The following CCNY variants were observed in gnomAD, a reference collection of about 807,000 sequenced individuals.
The protein encoded by CCNY is cyclin Y.
A neutral mutation model predicts 42.8 loss-of-function variants in CCNY; 19 were observed. That is an observed-to-expected ratio of 0.44 (90% confidence interval 0.31 to 0.65). The LOEUF is 0.65. Ranked by LOEUF, CCNY falls within the 30% of genes least tolerant of loss-of-function variation. The pLI, the probability that CCNY is intolerant of heterozygous loss-of-function variation, is 0.07. For missense variants in CCNY, 370 were observed against 437.3 expected (o/e 0.85, Z 1.37); for synonymous variants, 165 against 162.7 (o/e 1.01, Z -0.11).
chr10:35,528,430 G>A (rs751797270), intron 5 of CCNY, among the ~76,000 whole-genome samples: 13 of 152,310 alleles, frequency 8.5e-5, no homozygotes, highest in East Asian at 1.9e-4. Flanking sequence ...GTGGCTGAGC[G>A]CAGTGGCTTA....
intron 3 of CCNY, among the ~76,000 whole-genome samples, chr10:35,503,404 A>G (rs951604408): frequency 2.0e-5 from 3 of 152,190 alleles, no homozygotes; most frequent in Non-Finnish European, 4.4e-5. Flanking sequence ...GTGACCCTCT[A>G]AACTGTGAAC....
At chr10:35,476,823 T>G (rs1428334797) in intron 1 of CCNY, among the ~76,000 whole-genome samples, 20 of 151,804 alleles carry the variant, frequency 1.3e-4, no homozygotes, top group Admixed American at 1.3e-3. Flanking sequence ...CAAAAAACCC[T>G]TCAAAAAAAT....
rs139383860 is a variant in CCNY, at chr10:35,368,102, T to C, written c.154+30895T>C. Among the ~76,000 whole-genome samples, 1,074 of 152,372 alleles carry C rather than the reference T, an allele frequency of 7.0e-3. 11 individuals are homozygous for C. Among genetic ancestry groups the C allele is most frequent in the African/African-American group, 0.025 (1,025 of 41,586 alleles). On this transcript the variant is annotated intron_variant, in intron 1 of 9. Coordinates refer to ENST00000374704, the MANE Select transcript of CCNY (RefSeq NM_145012.6). ...TACAATTGAGGCTGTGGAGTCTTTC[T>C]GCCTGGAGGTTGTTAGAACAACGAG...
intron 7 of CCNY, among the ~76,000 whole-genome samples, chr10:35,547,412 A>T (rs1024954309): frequency 6.6e-6 from 1 of 152,102 alleles, no homozygotes; most frequent in African/African-American, 2.4e-5. Context: ...TTTCCAGTGC[A>T]GTTACAATGC....
At chr10:35,565,722 G>T (rs374566523) in intron 8 of CCNY, among the ~76,000 whole-genome samples, 36 of 152,318 alleles carry the variant, frequency 2.4e-4, no homozygotes, top group African/African-American at 8.2e-4. Flanking sequence ...TTAGCAGCCT[G>T]TCCTCACGGA....
intron 8 of CCNY, among the ~76,000 whole-genome samples, chr10:35,558,849 G>A (rs1436962766): frequency 6.6e-6 from 1 of 152,236 alleles, no homozygotes; most frequent in Non-Finnish European, 1.5e-5. Context: ...CACCCAGTCT[G>A]TGGGACTTTG....
intron 3 of CCNY, among the ~76,000 whole-genome samples, chr10:35,320,563 C>T (rs1835809097): frequency 6.6e-6 from 1 of 152,092 alleles, no homozygotes; most frequent in Admixed American, 6.6e-5. Context: ...GAAAATAAGG[C>T]AAGGATGTCC....
At chr10:35,501,312 C>T (rs1427990370) in intron 2 of CCNY, among the ~76,000 whole-genome samples, 189 bp from the exon 3 acceptor site, 1 of 152,088 alleles carries the variant, frequency 6.6e-6, no homozygotes, top group African/African-American at 2.4e-5. Context: ...GTATATTTCC[C>T]TCTGTGAGCC....
At chr10:35,375,570 C>G (rs527375776) in intron 1 of CCNY, among the ~76,000 whole-genome samples, 6 of 152,176 alleles carry the variant, frequency 3.9e-5, no homozygotes, top group Non-Finnish European at 7.3e-5. Flanking sequence ...ATTGAGTCAT[C>G]TTGTTTGAAT....
At chr10:35,296,734 C>T (rs1175737877) in intron 3 of CCNY, among the ~76,000 whole-genome samples, 3 of 152,048 alleles carry the variant, frequency 2.0e-5, no homozygotes, top group African/African-American at 2.4e-5. Context: ...GGACACATAC[C>T]ACCTCCCAAG....
At chr10:35,447,392 C>G (rs1030754286) in intron 1 of CCNY, among the ~76,000 whole-genome samples, 1 of 152,154 alleles carries the variant, frequency 6.6e-6, no homozygotes, top group Non-Finnish European at 1.5e-5. Context: ...CTAGCGATAA[C>G]GTGGTAAGCC....
At chr10:35,552,806 C>T (rs1841287014) in intron 7 of CCNY, among the ~76,000 whole-genome samples, 4 of 152,180 alleles carry the variant, frequency 2.6e-5, no homozygotes, top group Non-Finnish European at 5.9e-5. Flanking sequence ...GTTTAAGATC[C>T]AGCTGCACCC....
At chr10:35,272,459 C>T (rs1445973187) in intron 3 of CCNY, among the ~76,000 whole-genome samples, 1 of 152,226 alleles carries the variant, frequency 6.6e-6, no homozygotes, top group Non-Finnish European at 1.5e-5. Context: ...CTTCACCTCA[C>T]ACCCTTTGTG....
At chr10:35,505,580 C>CT (rs1315290971) in intron 3 of CCNY, among the ~76,000 whole-genome samples, 1 of 152,170 alleles carries the variant, frequency 6.6e-6, no homozygotes, top group African/African-American at 2.4e-5. Context: ...CTGCCACCTG[C>CT]TAATTGGGCA....
At chr10:35,493,484 G>A (rs1403652416) in intron 2 of CCNY, among the ~76,000 whole-genome samples, 1 of 152,222 alleles carries the variant, frequency 6.6e-6, no homozygotes. Flanking sequence ...AGCTTACCAT[G>A]TTTATAGCTT....
chr10:35,362,743 TG>T lies in CCNY; in HGVS notation c.154+25537del, dbSNP rs376659308. Reference sequence around the variant, plus strand: ...GCGCTCCTCACTTCCCAGACGGGGCTGCGGCCAGGCAGAGGCGCTCATCACA... The same window carrying T: ...GCGCTCCTCACTTCCCAGACGGGGCTCGGCCAGGCAGAGGCGCTCATCACA... On this transcript the variant is annotated intron_variant, in intron 1 of 9. Transcript: ENST00000374704. Among the ~76,000 whole-genome samples the T allele has an allele frequency of 2.5e-3, 342 of 137,886 alleles. 1 individual carries two copies. The highest frequency in any genetic ancestry group is 8.7e-3 in the African/African-American group (322 of 36,830). 90.5% of individuals were successfully genotyped at this position (137,886 alleles called of 152,430 possible). A position where few individuals can be genotyped will look rare whatever the true frequency, so the allele number is the denominator to read the frequency against.
chr10:35,278,015 G>C (rs553359067), intron 3 of CCNY, among the ~76,000 whole-genome samples: 57 of 152,258 alleles, frequency 3.7e-4, no homozygotes, highest in Admixed American at 2.7e-3. Context: ...AGTTTAGGAA[G>C]GGTGAGCCTG....
At chr10:35,545,940 TG>T (rs1346957532) in intron 7 of CCNY, among the ~76,000 whole-genome samples, 1 of 152,216 alleles carries the variant, frequency 6.6e-6, no homozygotes, top group Non-Finnish European at 1.5e-5. Context: ...AAATTATTTT[TG>T]TTGGCCATAA....
rs779207861 is a variant in CCNY at position 35,530,051 on chromosome 10, CATGAGATGATTTA to C, written c.459+24_459+36del. The C allele has an allele frequency of 6.2e-7, 1 of 1,613,894 alleles. No individual in the cohort carries two copies. Among genetic ancestry groups the C allele is most frequent in the African/African-American group, 1.3e-5 (1 of 74,922 alleles). ...TTTCGGTAATCTCCTCCGTGTGTTT[CATGAGATGATTTA>C]ATTATTTCTCTTTTGCTCCAATCGG... On this transcript the variant is annotated intron_variant, in intron 6 of 9. Coordinates refer to ENST00000374704, the MANE Select transcript of CCNY (RefSeq NM_145012.6). The surrounding 1 kb of genome is among the most constrained non-coding windows in gnomAD (Gnocchi z 4.3).
Sources: allele counts gnomAD v4.1 joint callset (sites outside exome capture counted in the v4.1 genomes callset), GRCh38; gene constraint gnomAD v4.1.1; non-coding constraint Gnocchi (gnomAD v3.1); transcripts MANE v1.5; gene names NCBI Gene and HGNC (gene_info 2026-07-23, HGNC 2026-07-21).